The following NEBL variants were observed in gnomAD, a reference collection of about 807,000 sequenced individuals.
The protein encoded by NEBL is LIM and SH3 protein 2.
In NEBL, 122 loss-of-function variants were observed where a neutral mutation model predicts 140.2. That is an observed-to-expected ratio of 0.87 (90% CI 0.75 to 1.01). The LOEUF (loss-of-function observed/expected upper bound fraction) is 1.01, where lower values mean the gene tolerates loss of function less well. NEBL is among the 50% of genes least tolerant of loss of function. The pLI is 0.00. For missense variants in NEBL, 1,365 were observed against 1,231.3 expected, an observed-to-expected ratio of 1.11 and a Z score of -1.62; for synonymous variants, 436 against 398.9, an observed-to-expected ratio of 1.09 and a Z score of -1.11.
intron 2 of NEBL, among the ~76,000 whole-genome samples, chr10:21,054,719 C>T (rs199817316): frequency 3.0e-4 from 45 of 152,056 alleles, no homozygotes; most frequent in Non-Finnish European, 6.0e-4. Flanking sequence ...AAGCTCTGCC[C>T]GAGATCCCTA....
At chr10:20,944,775 T>C (rs1427089849) in intron 4 of NEBL, among the ~76,000 whole-genome samples, 2 of 152,218 alleles carry the variant, frequency 1.3e-5, no homozygotes, top group Non-Finnish European at 2.9e-5. Context: ...AAGTTAGTTG[T>C]TTAATTGGCA....
At chr10:21,040,411 T>A (rs1016170083) in intron 2 of NEBL, among the ~76,000 whole-genome samples, 10 of 152,148 alleles carry the variant, frequency 6.6e-5, no homozygotes, top group Non-Finnish European at 5.9e-5. Context: ...GGCACCAGCA[T>A]CTGTTTCTGG....
At chr10:20,872,344 G>A (rs146434407) in intron 5 of NEBL, among the ~76,000 whole-genome samples, 259 of 152,174 alleles carry the variant, frequency 1.7e-3, no homozygotes, top group African/African-American at 5.9e-3. Flanking sequence ...AAGCTTCCGC[G>A]CCTGATCACT....
chr10:20,985,901 G>C (rs1837239150), intron 3 of NEBL, among the ~76,000 whole-genome samples: 1 of 152,132 alleles, frequency 6.6e-6, no homozygotes, highest in Admixed American at 6.5e-5. Flanking sequence ...GGTGAGTTCA[G>C]ATTTTTATTT....
At chr10:21,091,461 GC>G (rs1305912413) in intron 2 of NEBL, among the ~76,000 whole-genome samples, 25 of 152,198 alleles carry the variant, frequency 1.6e-4, no homozygotes, top group African/African-American at 6.0e-4. Context: ...CAAATAGGCA[GC>G]CTACAAAATA....
At chr10:21,046,693 C>G (rs577625739) in intron 2 of NEBL, among the ~76,000 whole-genome samples, 10 of 152,076 alleles carry the variant, frequency 6.6e-5, no homozygotes, top group African/African-American at 2.4e-4. Context: ...CTCCGCCTAC[C>G]GGGTTCACGC....
Position 21,025,108 on chromosome 10 carries a change from A to T in NEBL, c.165-4907T>A, listed in dbSNP as rs117272444. 6.1e-3 allele frequency among the ~76,000 whole-genome samples: 936 copies of T among 152,322 alleles called. 26 individuals are homozygous for T. In the East Asian group the frequency reaches 0.086, roughly 14 times the overall value. On this transcript the variant is annotated intron_variant, in intron 2 of 6. Coordinates refer to the NEBL transcript ENST00000417816. ...CATATTGGAGTAAGAATGTAGGAAG[A>T]AGACACAGGGCATGAGAAATGGATG...
intron 2 of NEBL, among the ~76,000 whole-genome samples, chr10:20,896,516 A>G (rs1192517201): frequency 7.2e-6 from 1 of 138,314 alleles, no homozygotes; most frequent in Admixed American, 7.4e-5. Flanking sequence ...ATATATATAT[A>G]TGCATTTTCC....
chr10:20,927,848 T>C lies in NEBL; in HGVS notation c.357+33824A>G, dbSNP rs566591876. Among the ~76,000 whole-genome samples, 96 of 152,248 alleles carry C rather than the reference T, an allele frequency of 6.3e-4. 1 individual carries two copies. The highest frequency in any genetic ancestry group is 6.2e-3 in the Admixed American group (95 of 15,290). ...TCTGCTTCTCGTGGTAAGATATGAC[T>C]TACTCCTAGATAGGCACGACCAAGT... On this transcript the variant is annotated intron_variant, in intron 4 of 6. Transcript: ENST00000417816.
Position 21,173,991 on chromosome 10 carries a change from C to T in NEBL, c.-158G>A. The T allele has an allele frequency of 2.4e-6, 3 of 1,225,454 alleles. No individual in the cohort carries two copies. Among genetic ancestry groups the T allele is most frequent in the Non-Finnish European group, 3.0e-6 (3 of 987,128 alleles). 75.9% of individuals were successfully genotyped at this position (1,225,454 alleles called of 1,614,324 possible). ...CGGCGCCGGGCCACGGGTGAGTGCA[C>T]GGGGAGGGCGACGGGGCCTGGCGCC... On this transcript the variant is annotated 5_prime_UTR_variant, in exon 1 of 7. Coordinates refer to the NEBL transcript ENST00000417816. This position sits in a 1 kb window ranked among gnomAD's most constrained non-coding sequence, Gnocchi z 5.7.
intron 3 of NEBL, among the ~76,000 whole-genome samples, chr10:21,017,257 G>T (rs1008966516): frequency 6.6e-6 from 1 of 152,156 alleles, no homozygotes; most frequent in Non-Finnish European, 1.5e-5. Flanking sequence ...TATGTCCTTG[G>T]AATACAGCAA....
chr10:20,809,949 G>GCA, intron 24 of NEBL, 51 bp from the exon 25 acceptor site: 9 of 586,434 alleles, frequency 1.5e-5, no homozygotes, highest in South Asian at 4.8e-5. Context: ...ATTTAAAAAA[G>GCA]GAAAAAAAAA....
At chr10:20,868,625 C>T in intron 7 of NEBL, 39 bp downstream of exon 7, 1 of 1,333,624 alleles carries the variant, frequency 7.5e-7, no homozygotes, top group Non-Finnish European at 1.1e-6. Flanking sequence ...AACAAAATAT[C>T]TGAATAAAGT....
intron 1 of NEBL, among the ~76,000 whole-genome samples, chr10:21,274,230 G>T (rs1054603263): frequency 6.6e-6 from 1 of 152,130 alleles, no homozygotes; most frequent in Admixed American, 6.5e-5. Flanking sequence ...AAATACAGTG[G>T]ACCCTTAAAC....
intron 11 of NEBL, among the ~76,000 whole-genome samples, chr10:20,848,431 A>T (rs1253720695): frequency 6.6e-6 from 1 of 152,160 alleles, no homozygotes; most frequent in African/African-American, 2.4e-5. Flanking sequence ...ATTCCTCTTC[A>T]TTGGCTTAAG....
At chr10:20,910,500 G>A (rs1240705898) in intron 4 of NEBL, among the ~76,000 whole-genome samples, 2 of 152,158 alleles carry the variant, frequency 1.3e-5, no homozygotes, top group African/African-American at 2.4e-5. Flanking sequence ...GGATGACTAA[G>A]GACAGAAGAG....
At chr10:21,106,497 G>C (rs1443966262) in intron 2 of NEBL, among the ~76,000 whole-genome samples, 1 of 152,166 alleles carries the variant, frequency 6.6e-6, no homozygotes, top group Non-Finnish European at 1.5e-5. Flanking sequence ...GATGGTTGTA[G>C]ATGCATGGTG....
chr10:21,091,275 T>C (rs1836899768), intron 2 of NEBL, among the ~76,000 whole-genome samples: 2 of 152,182 alleles, frequency 1.3e-5, no homozygotes, highest in African/African-American at 4.8e-5. Context: ...TTATGAAACA[T>C]CTTGGTTATA....
intron 26 of NEBL, among the ~76,000 whole-genome samples, chr10:20,800,487 A>G (rs576037661): frequency 2.0e-5 from 3 of 152,258 alleles, no homozygotes; most frequent in South Asian, 4.1e-4. Context: ...GGTTGGGTAT[A>G]TACCAGAAGA....
Sources: allele counts gnomAD v4.1 joint callset (sites outside exome capture counted in the v4.1 genomes callset), GRCh38; gene constraint gnomAD v4.1.1; non-coding constraint Gnocchi (gnomAD v3.1); transcripts MANE v1.5; gene names NCBI Gene and HGNC (gene_info 2026-07-23, HGNC 2026-07-21).